Variants in TRIM24 observed in about 807,000 individuals in gnomAD.
TRIM24 encodes tripartite motif containing 24, also known as transcription intermediary factor 1-alpha.
Under a neutral mutation model 123.9 loss-of-function variants are expected in TRIM24, and 29 were observed. The observed-to-expected ratio is 0.23, with a 90% CI of 0.17 to 0.32. The LOEUF (loss-of-function observed/expected upper bound fraction) is 0.32, where lower values mean the gene tolerates loss of function less well. Among genes scored for constraint, TRIM24 ranks in the 10% least tolerant of loss-of-function variants. The probability of loss-of-function intolerance (pLI) is 1.00; values close to 1 mark genes in which losing one functional copy is unlikely to be tolerated. For synonymous variants in TRIM24, 456 were observed against 461.1 expected, an observed-to-expected ratio of 0.99 and a Z score of 0.14; for missense variants, 932 against 1,295.3, an observed-to-expected ratio of 0.72 and a Z score of 4.31.
intron 4 of TRIM24, among the ~76,000 whole-genome samples, chr7:138,522,297 T>C (rs1796520439): frequency 6.6e-6 from 1 of 151,324 alleles, no homozygotes; most frequent in Non-Finnish European, 1.5e-5. Flanking sequence ...GATGGCACCA[T>C]TGCACCCTGG....
intron 9 of TRIM24, among the ~76,000 whole-genome samples, chr7:138,562,720 A>T (rs575663932): frequency 8.5e-5 from 13 of 152,142 alleles, no homozygotes; most frequent in African/African-American, 3.1e-4. Flanking sequence ...TACTCCAGGA[A>T]TTTTATTAAG....
At position 138,504,410 on chromosome 7, in the gene TRIM24, T is replaced by A. The variant is rs2116528062; in HGVS notation, c.483+2T>A. The A allele has an allele frequency of 6.8e-7, 1 of 1,472,966 alleles. No individual in the cohort carries two copies. The highest frequency in any genetic ancestry group is 9.1e-7 in the Non-Finnish European group (1 of 1,100,692). The allele number at this position is 1,472,966 out of a possible 1,614,324, so 91.2% of individuals were successfully genotyped here. Reference sequence around the variant, plus strand: ...AGTACAGTAGAAAAGTCAAATCAGGTAAGTGTATTACATCTTGAACCTTTT... The same window carrying A: ...AGTACAGTAGAAAAGTCAAATCAGGAAAGTGTATTACATCTTGAACCTTTT... On this transcript the variant is annotated splice_donor_variant, in intron 2 of 18. Transcript: ENST00000343526. LOFTEE classifies it high-confidence loss of function.
chr7:138,565,917 C>G (rs1797525790), intron 9 of TRIM24, among the ~76,000 whole-genome samples: 1 of 152,086 alleles, frequency 6.6e-6, no homozygotes, highest in South Asian at 2.1e-4. Flanking sequence ...CAGGAACTTA[C>G]AAAACTTGGA....
At chr7:138,483,525 A>G (rs1013882866) in intron 1 of TRIM24, among the ~76,000 whole-genome samples, 21 of 152,348 alleles carry the variant, frequency 1.4e-4, no homozygotes, top group South Asian at 1.0e-3. Flanking sequence ...GTAGGATTTT[A>G]TATAGATCTT....
chr7:138,547,350 C>CT (rs1407510972), intron 7 of TRIM24, among the ~76,000 whole-genome samples: 2 of 152,172 alleles, frequency 1.3e-5, no homozygotes, highest in African/African-American at 2.4e-5. Flanking sequence ...ATTAATAACA[C>CT]TGTGTTTGTA....
intron 1 of TRIM24, among the ~76,000 whole-genome samples, chr7:138,500,967 T>TAA (rs57771728): frequency 6.8e-6 from 1 of 147,538 alleles, no homozygotes; most frequent in East Asian, 2.0e-4. Context: ...GTGTAAAAGA[T>TAA]AAAAAAAAAA....
At chr7:138,506,332 G>A (rs916332547) in intron 2 of TRIM24, among the ~76,000 whole-genome samples, 5 of 152,180 alleles carry the variant, frequency 3.3e-5, no homozygotes, top group African/African-American at 1.2e-4. Context: ...GAGCACTTAA[G>A]TCCTCTGAAA....
rs1260261280 is a variant in TRIM24, at chr7:138,460,397, C to T, written c.-152C>T. 1.7e-5 allele frequency: 14 copies of T among 821,102 alleles called. No individual in the cohort carries two copies. The East Asian group carries it at 4.4e-4, about 26-fold the overall frequency. The allele number at this position is 821,102 out of a possible 1,614,324, so 50.9% of individuals were successfully genotyped here. On this transcript the variant is annotated 5_prime_UTR_variant, in exon 1 of 19. Coordinates refer to ENST00000343526, the MANE Select transcript of TRIM24 (RefSeq NM_015905.3). ...GGATCCCGTGGGCCTGAGGAGGCTT[C>T]CCCCGCCCGGTTTGCTTTCCCTCCC...
chr7:138,494,379 A>G (rs982447733), intron 1 of TRIM24, among the ~76,000 whole-genome samples: 28 of 151,654 alleles, frequency 1.8e-4, no homozygotes, highest in African/African-American at 6.5e-4. Flanking sequence ...TTGGCCTCCC[A>G]AAGTGTTAGG....
chr7:138,533,921 A>T (rs998415348), intron 6 of TRIM24, among the ~76,000 whole-genome samples: 1 of 152,156 alleles, frequency 6.6e-6, no homozygotes, highest in Non-Finnish European at 1.5e-5. Flanking sequence ...CAGGGATTCA[A>T]CTTCTTCCTG....
At chr7:138,582,219 T>C (rs990786167) in intron 17 of TRIM24, among the ~76,000 whole-genome samples, 1 of 152,196 alleles carries the variant, frequency 6.6e-6, no homozygotes, top group African/African-American at 2.4e-5. Context: ...GCAGGTGCTA[T>C]TGACTTCAGA....
At chr7:138,515,125 A>G (rs1796369003) in intron 2 of TRIM24, 87 bp from the exon 3 acceptor site, 1 of 1,322,388 alleles carries the variant, frequency 7.6e-7, no homozygotes, top group Non-Finnish European at 1.0e-6. Flanking sequence ...TTAGCCTGGT[A>G]CAATTGGTGT....
chr7:138,546,694 G>A (rs1490839342), intron 7 of TRIM24, among the ~76,000 whole-genome samples: 1 of 152,172 alleles, frequency 6.6e-6, no homozygotes, highest in Non-Finnish European at 1.5e-5. Flanking sequence ...TGAAAGGAAT[G>A]TAGGGTTCTT....
chr7:138,585,109 C>G lies in TRIM24; in HGVS notation c.*158C>G. 1 of 502,756 alleles carries G rather than the reference C, an allele frequency of 2.0e-6. No homozygotes were observed. The highest frequency in any genetic ancestry group is 2.0e-5 in the African/African-American group (1 of 50,240). 31.1% of individuals were successfully genotyped at this position (502,756 alleles called of 1,614,324 possible). The stretch of plus-strand genomic sequence containing the variant: ...CTTTGATTTCCTTAATAGCCCATTT[C>G]TGTTAACCTCTTATCACTAAGAAAG... On this transcript the variant is annotated 3_prime_UTR_variant, in exon 19 of 19. Transcript: ENST00000343526.
Position 138,526,839 on chromosome 7 carries a change from T to G in TRIM24, c.881+1482T>G, listed in dbSNP as rs924005518. Among the ~76,000 whole-genome samples the G allele has an allele frequency of 6.6e-5, 10 of 152,222 alleles. 1 individual carries two copies. Among genetic ancestry groups the G allele is most frequent in the Admixed American group, 3.3e-4 (5 of 15,284 alleles). On this transcript the variant is annotated intron_variant, in intron 5 of 18. Coordinates refer to ENST00000343526, the MANE Select transcript of TRIM24 (RefSeq NM_015905.3). ...TGGTGGGTTTAAACTTTTTTTATTC[T>G]GAGTAATTGAAAATTTGTAATGAAT...
At chr7:138,552,481 T>G (rs75817660) in intron 8 of TRIM24, among the ~76,000 whole-genome samples, 100 of 152,276 alleles carry the variant, frequency 6.6e-4, no homozygotes, top group African/African-American at 2.4e-3. Context: ...ACAGGGAAAC[T>G]ATACAAACAA....
At chr7:138,567,706 C>G in intron 10 of TRIM24, 52 bp downstream of exon 10, 3 of 1,490,708 alleles carry the variant, frequency 2.0e-6, no homozygotes, top group South Asian at 2.8e-5. Context: ...TTTCTACTTT[C>G]AAATCACAAA....
chr7:138,509,413 G>A (rs1796237699), intron 2 of TRIM24, among the ~76,000 whole-genome samples: 1 of 149,922 alleles, frequency 6.7e-6, no homozygotes, highest in Admixed American at 6.7e-5. Flanking sequence ...TTAAAATTAA[G>A]AATTATAAGG....
At chr7:138,511,912 A>T (rs1356255650) in intron 2 of TRIM24, among the ~76,000 whole-genome samples, 1 of 152,222 alleles carries the variant, frequency 6.6e-6, no homozygotes, top group Non-Finnish European at 1.5e-5. Flanking sequence ...GGACAAGACA[A>T]GTCTCTTCTC....
Sources: gnomAD v4.1 joint callset for allele counts (sites outside exome capture counted in the v4.1 genomes callset) on GRCh38, gnomAD v4.1.1 for gene constraint, MANE v1.5 for transcripts, NCBI Gene and HGNC (gene_info 2026-07-23, HGNC 2026-07-21) for gene names.